The following ZNF804A variants were observed in gnomAD, a reference collection of about 807,000 sequenced individuals.
ZNF804A encodes zinc finger protein 804A.
A neutral mutation model predicts 16.5 loss-of-function variants in ZNF804A; 2 were observed. The observed-to-expected ratio is 0.12, with a 90% CI of 0.05 to 0.38. The LOEUF is 0.38. Ranked by LOEUF, ZNF804A falls within the 10% of genes least tolerant of loss-of-function variation. The pLI, the probability that ZNF804A is intolerant of heterozygous loss-of-function variation, is 0.99. For synonymous variants in ZNF804A, 534 were observed against 489.6 expected (o/e 1.09, Z -1.20); for missense variants, 1,473 against 1,390.7 (o/e 1.06, Z -0.94).
chr2:184,926,286 T>A (rs1325098246), intron 2 of ZNF804A, among the ~76,000 whole-genome samples: 1 of 24,492 alleles, frequency 4.1e-5, no homozygotes, highest in Non-Finnish European at 1.3e-4. Context: ...TAGGGTAAAT[T>A]TTTTTTTTTT....
chr2:184,878,758 T>A (rs557662971), intron 2 of ZNF804A, among the ~76,000 whole-genome samples: 1 of 152,170 alleles, frequency 6.6e-6, no homozygotes, highest in East Asian at 1.9e-4. Context: ...TGTATAGAAA[T>A]TTTTCACCCA....
intron 1 of ZNF804A, among the ~76,000 whole-genome samples, chr2:184,769,327 TTTATTTCATGCCA>T (rs1694177880): frequency 6.6e-6 from 1 of 152,116 alleles, no homozygotes; most frequent in Admixed American, 6.6e-5. Context: ...TCATCTGAGC[TTTATTTCATGCCA>T]TTATTCTGAG....
intron 2 of ZNF804A, among the ~76,000 whole-genome samples, chr2:184,891,581 G>A (rs369110487): frequency 7.3e-6 from 1 of 137,346 alleles, no homozygotes; most frequent in Non-Finnish European, 1.6e-5. Context: ...GGAAACCACT[G>A]TTATTCTTTT....
intron 1 of ZNF804A, among the ~76,000 whole-genome samples, chr2:184,681,754 A>C (rs1173362049): frequency 6.6e-6 from 1 of 152,160 alleles, no homozygotes; most frequent in Admixed American, 6.5e-5. Flanking sequence ...AGGGAGTCCC[A>C]CCTTCTACTG....
At chr2:184,644,484 T>C (rs998837172) in intron 1 of ZNF804A, among the ~76,000 whole-genome samples, 2 of 151,816 alleles carry the variant, frequency 1.3e-5, no homozygotes, top group Non-Finnish European at 3.0e-5. Flanking sequence ...TGGTGATATA[T>C]AAAATTAAAA....
At chr2:184,752,408 T>C (rs1165446718) in intron 1 of ZNF804A, among the ~76,000 whole-genome samples, 1 of 151,668 alleles carries the variant, frequency 6.6e-6, no homozygotes, top group Non-Finnish European at 1.5e-5. Flanking sequence ...TGTTCTTACT[T>C]ACAAGTGGGA....
In ZNF804A at chr2:184,937,607, A is replaced by T. The variant is rs758004920; in HGVS notation, c.2211A>T (p.Arg737Ser). ...TKMSSCSQDH[R>S]SLVLQNDMKH... ...TGTCAAGCTGTAGTCAGGATCACAG[A>T]AGCTTAGTTCTTCAAAATGATATGA... The change falls in exon 4 of 4, where the codon AGA (arginine) becomes AGT (serine). Residue 737 changes from arginine (R) to serine (S), a missense_variant. By Grantham distance (110) the Arg-to-Ser change is moderately radical. Coordinates refer to ENST00000302277, the MANE Select transcript of ZNF804A (RefSeq NM_194250.2). 6.2e-7 allele frequency: 1 copy of T among 1,613,598 alleles called. No individual in the cohort carries two copies. Among genetic ancestry groups the T allele is most frequent in the South Asian group, 1.1e-5 (1 of 91,034 alleles).
chr2:184,603,712 C>A (rs1691086345), intron 1 of ZNF804A, among the ~76,000 whole-genome samples: 1 of 152,090 alleles, frequency 6.6e-6, no homozygotes, highest in Admixed American at 6.6e-5. Context: ...AGGGTGATAT[C>A]CTAAAATATC....
At chr2:184,751,646 A>C (rs1365147183) in intron 1 of ZNF804A, among the ~76,000 whole-genome samples, 3 of 151,710 alleles carry the variant, frequency 2.0e-5, no homozygotes, top group Non-Finnish European at 4.4e-5. Flanking sequence ...AACTAACTTA[A>C]ACTAAAACGC....
intron 1 of ZNF804A, among the ~76,000 whole-genome samples, chr2:184,777,253 A>T (rs1266197560): frequency 6.6e-6 from 1 of 151,626 alleles, no homozygotes; most frequent in African/African-American, 2.4e-5. Flanking sequence ...CACCATTTTG[A>T]TATACCATTT....
At chr2:184,750,127 T>C (rs1364387751) in intron 1 of ZNF804A, among the ~76,000 whole-genome samples, 1 of 151,386 alleles carries the variant, frequency 6.6e-6, no homozygotes, top group African/African-American at 2.4e-5. Flanking sequence ...TATATTTACT[T>C]GTGTTGGTTA....
At chr2:184,693,158 T>C (rs553339581) in intron 1 of ZNF804A, among the ~76,000 whole-genome samples, 44 of 152,266 alleles carry the variant, frequency 2.9e-4, no homozygotes, top group Non-Finnish European at 4.1e-4. Flanking sequence ...TGTACTAAAA[T>C]GCAGGGTTTT....
chr2:184,816,131 C>T (rs371620945), intron 1 of ZNF804A, among the ~76,000 whole-genome samples: 3 of 152,130 alleles, frequency 2.0e-5, no homozygotes, highest in East Asian at 3.9e-4. Flanking sequence ...CCAGAGATTC[C>T]TTAATGGAAT....
intron 1 of ZNF804A, among the ~76,000 whole-genome samples, chr2:184,698,778 A>C (rs192240580): frequency 2.6e-5 from 4 of 152,216 alleles, no homozygotes; most frequent in African/African-American, 7.2e-5. Context: ...AAGATGTCTG[A>C]AGAAGTTCTA....
At chr2:184,702,843 A>G (rs1416303823) in intron 1 of ZNF804A, among the ~76,000 whole-genome samples, 1 of 152,162 alleles carries the variant, frequency 6.6e-6, no homozygotes, top group African/African-American at 2.4e-5. Context: ...TATGTTATGT[A>G]TATCTATGTA....
chr2:184,935,297 ACT>A (rs1447817047), intron 3 of ZNF804A, among the ~76,000 whole-genome samples: 1 of 152,114 alleles, frequency 6.6e-6, no homozygotes, highest in African/African-American at 2.4e-5. Context: ...GCTATAGTAG[ACT>A]CTTGGTGAAT....
intron 2 of ZNF804A, among the ~76,000 whole-genome samples, chr2:184,927,549 A>G (rs190463443): frequency 9.9e-5 from 15 of 152,264 alleles, no homozygotes; most frequent in East Asian, 1.9e-4. Flanking sequence ...CTGGTGTCCT[A>G]TGTCCTTCCC....
At chr2:184,788,254 A>T (rs1003367294) in intron 1 of ZNF804A, among the ~76,000 whole-genome samples, 2 of 151,876 alleles carry the variant, frequency 1.3e-5, no homozygotes, top group Non-Finnish European at 2.9e-5. Context: ...TTATAGTATA[A>T]TTTGAAGTTA....
chr2:184,887,403 C>T (rs1281500851), intron 2 of ZNF804A, among the ~76,000 whole-genome samples: 1 of 152,214 alleles, frequency 6.6e-6, no homozygotes, highest in Non-Finnish European at 1.5e-5. Flanking sequence ...CCAAACTTTT[C>T]CAAATGCCTA....
Sources: gnomAD v4.1 joint callset for allele counts (sites outside exome capture counted in the v4.1 genomes callset) on GRCh38, gnomAD v4.1.1 for gene constraint, MANE v1.5 for transcripts, NCBI Gene and HGNC (gene_info 2026-07-23, HGNC 2026-07-21) for gene names.